The following VPS26A variants were observed in gnomAD, a reference collection of about 807,000 sequenced individuals.
VPS26A encodes the protein vacuolar protein sorting-associated protein 26A.
A neutral mutation model predicts 42.4 loss-of-function variants in VPS26A; 22 were observed. That is an observed-to-expected ratio of 0.52 (90% CI 0.37 to 0.74). The LOEUF is 0.74. Ranked by LOEUF, VPS26A falls within the 30% of genes least tolerant of loss-of-function variation. The probability of loss-of-function intolerance (pLI) is 0.00; values close to 1 mark genes in which losing one functional copy is unlikely to be tolerated. For missense variants in VPS26A, 276 were observed against 379.2 expected (o/e 0.73, Z 2.26); for synonymous variants, 110 against 123.5 (o/e 0.89, Z 0.73).
intron 2 of VPS26A, among the ~76,000 whole-genome samples, chr10:69,141,741 C>T (rs920247322): frequency 1.3e-5 from 2 of 152,122 alleles, no homozygotes; most frequent in African/African-American, 4.8e-5. Flanking sequence ...TGGTAATAAC[C>T]ATTAAGTGCT....
rs1045078463 is a variant in VPS26A at position 69,173,779 on chromosome 10, C to A, written c.*2510C>A. Among the ~76,000 whole-genome samples, 1 of 152,058 alleles carries A rather than the reference C, an allele frequency of 6.6e-6. No homozygotes were observed. The highest frequency in any genetic ancestry group is 2.4e-5 in the African/African-American group (1 of 41,406). The stretch of plus-strand genomic sequence containing the variant: ...CTTTGGGAGGCTGAGGCGGGCAGAT[C>A]ACCTGAGTTCCAGGAGTTCGAGACC... On this transcript the variant is annotated 3_prime_UTR_variant, in exon 9 of 9. Transcript: ENST00000263559.
At chr10:69,140,648 G>A (rs971820898) in intron 2 of VPS26A, among the ~76,000 whole-genome samples, 3 of 152,142 alleles carry the variant, frequency 2.0e-5, no homozygotes, top group Admixed American at 6.5e-5. Flanking sequence ...GCCTCCCAAA[G>A]TGCTGGGATT....
At chr10:69,161,536 C>G (rs1841562759) in intron 5 of VPS26A, 1 of 205,152 alleles carries the variant, frequency 4.9e-6, no homozygotes, top group South Asian at 9.1e-5. Flanking sequence ...TTTATTTATT[C>G]ATTTGAAGTA....
At position 69,173,451 on chromosome 10, in the gene VPS26A, A is replaced by G. The variant is rs1417512067; in HGVS notation, c.*2182A>G. Among the ~76,000 whole-genome samples the G allele has an allele frequency of 3.3e-5, 5 of 151,934 alleles. No homozygotes were observed. Among genetic ancestry groups the G allele is most frequent in the Non-Finnish European group, 2.9e-5 (2 of 67,926 alleles). ...GCCTGGCCAACAAAAATGAGACCCT[A>G]TCTCTACAAAAAAATTAACAATGAG... On this transcript the variant is annotated 3_prime_UTR_variant, in exon 9 of 9. Transcript: ENST00000263559.
At chr10:69,126,773 G>A (rs1840664600) in intron 1 of VPS26A, among the ~76,000 whole-genome samples, 1 of 152,020 alleles carries the variant, frequency 6.6e-6, no homozygotes, top group Admixed American at 6.5e-5. Flanking sequence ...TATTTCAAAT[G>A]ACAGAAGTTG....
At position 69,171,176 on chromosome 10, in the gene VPS26A, A is replaced by T; in HGVS notation, c.891A>T (p.Lys297Asn). The stretch of plus-strand genomic sequence containing the variant: ...ACTAGGAGATAATTTTATGGAGAAA[A>T]GCTCCTGAAAAACTGAGGAAACAGA... ...FKQQEIILWR[K>N]APEKLRKQRT... Residue 297 changes from lysine (K) to asparagine (N), a missense_variant, in exon 9 of 9, where the codon AAA becomes AAT. Physicochemically the swap from Lys to Asn is moderately conservative, Grantham distance 94. Coordinates refer to ENST00000263559, the MANE Select transcript of VPS26A (RefSeq NM_004896.5). 6.2e-7 allele frequency: 1 copy of T among 1,611,784 alleles called. No homozygotes were observed. The highest frequency in any genetic ancestry group is 8.5e-7 in the Non-Finnish European group (1 of 1,179,576).
intron 8 of VPS26A, among the ~76,000 whole-genome samples, chr10:69,169,564 T>C (rs1260485640): frequency 6.6e-6 from 1 of 152,036 alleles, no homozygotes. Flanking sequence ...CCCAAAGTGC[T>C]GGGATTACAG....
At position 69,173,940 on chromosome 10, in the gene VPS26A, G is replaced by C. The variant is rs1204301262; in HGVS notation, c.*2671G>C. Reference sequence around the variant, plus strand: ...ACCCGGGAGGCAGAGGTTGCAGTGAGCCGAGATCACACCAATGCACTCCAG... The same window carrying C: ...ACCCGGGAGGCAGAGGTTGCAGTGACCCGAGATCACACCAATGCACTCCAG... On this transcript the variant is annotated 3_prime_UTR_variant, in exon 9 of 9. Coordinates refer to ENST00000263559, the MANE Select transcript of VPS26A (RefSeq NM_004896.5). Among the ~76,000 whole-genome samples, 1 of 150,542 alleles carries C rather than the reference G, an allele frequency of 6.6e-6. No individual in the cohort carries two copies. The highest frequency in any genetic ancestry group is 1.5e-5 in the Non-Finnish European group (1 of 67,926).
chr10:69,156,290 C>CA (rs1008401952), intron 3 of VPS26A, among the ~76,000 whole-genome samples: 8 of 151,910 alleles, frequency 5.3e-5, no homozygotes, highest in Admixed American at 4.0e-4. Context: ...TGTGTCAACA[C>CA]ACAATTCCAT....
At chr10:69,127,093 A>ATTTTTTTTTTTTTTTTTTTTTTTT (rs71035057) in intron 1 of VPS26A, among the ~76,000 whole-genome samples, 2 of 97,534 alleles carry the variant, frequency 2.1e-5, no homozygotes, top group East Asian at 3.0e-4. Flanking sequence ...CACCCGGCCA[A>ATTTTTTTTTTTTTTTTTTTTTTTT]TTTTTTTTTT....
intron 1 of VPS26A, among the ~76,000 whole-genome samples, chr10:69,127,563 A>C (rs113752773): frequency 2.3e-3 from 346 of 151,936 alleles, no homozygotes; most frequent in African/African-American, 7.7e-3. Context: ...AAAAAAAAAA[A>C]AAACCTGAAT....
chr10:69,162,325 A>G (rs1589363221), intron 5 of VPS26A, 81 bp from the exon 6 acceptor site: 1 of 697,416 alleles, frequency 1.4e-6, no homozygotes, highest in African/African-American at 1.9e-5. Context: ...AAAGATGTCT[A>G]TCAAAGTCTT....
intron 6 of VPS26A, among the ~76,000 whole-genome samples, chr10:69,163,802 G>C (rs1473450263): frequency 2.3e-5 from 3 of 132,236 alleles, no homozygotes; most frequent in Admixed American, 1.7e-4. Context: ...GTCTCGCTCT[G>C]TGGCCCAGGC....
At chr10:69,131,776 G>A (rs1363545741) in intron 1 of VPS26A, among the ~76,000 whole-genome samples, 1 of 152,166 alleles carries the variant, frequency 6.6e-6, no homozygotes, top group East Asian at 1.9e-4. Flanking sequence ...AGAATATGAA[G>A]GGATGTAGGA....
chr10:69,173,265 G>A lies in VPS26A; in HGVS notation c.*1996G>A, dbSNP rs868451519. 1.2e-4 allele frequency among the ~76,000 whole-genome samples: 19 copies of A among 152,220 alleles called. No individual in the cohort carries two copies. The highest frequency in any genetic ancestry group is 6.8e-3 in the Middle Eastern group (2 of 294). On this transcript the variant is annotated 3_prime_UTR_variant, in exon 9 of 9. Transcript: ENST00000263559. Reference sequence around the variant, plus strand: ...GCTGCATATCAGAATCACCTTAGAAGCTTTTAAAATAACCAGGCCCGGGTC... The same window carrying A: ...GCTGCATATCAGAATCACCTTAGAAACTTTTAAAATAACCAGGCCCGGGTC...
chr10:69,133,453 C>A, intron 2 of VPS26A: 1 of 840,142 alleles, frequency 1.2e-6, no homozygotes, highest in Non-Finnish European at 1.6e-6. Context: ...TCTGGTATAA[C>A]TTTCTAAAGG....
intron 2 of VPS26A, among the ~76,000 whole-genome samples, chr10:69,135,879 C>T (rs182345635): frequency 1.3e-5 from 2 of 152,154 alleles, no homozygotes; most frequent in East Asian, 3.9e-4. Context: ...TGCCAGCTAC[C>T]CCATGTGTCC....
At chr10:69,131,105 C>A (rs1420357869) in intron 1 of VPS26A, among the ~76,000 whole-genome samples, 1 of 152,100 alleles carries the variant, frequency 6.6e-6, no homozygotes, top group Non-Finnish European at 1.5e-5. Flanking sequence ...CCTGCCTCAG[C>A]CTCCCGAGTA....
chr10:69,158,863 C>T (rs1841490243), intron 5 of VPS26A, among the ~76,000 whole-genome samples: 1 of 152,018 alleles, frequency 6.6e-6, no homozygotes, highest in Non-Finnish European at 1.5e-5. Context: ...TAATTTAACC[C>T]ATAAAATTAT....
Sources: gnomAD v4.1 joint callset for allele counts (sites outside exome capture counted in the v4.1 genomes callset) on GRCh38, gnomAD v4.1.1 for gene constraint, MANE v1.5 for transcripts, NCBI Gene and HGNC (gene_info 2026-07-23, HGNC 2026-07-21) for gene names.